The following CDC14A variants were observed in gnomAD, a reference collection of about 807,000 sequenced individuals.
CDC14A encodes the protein dual specificity protein phosphatase CDC14A.
Under a neutral mutation model 74.4 loss-of-function variants are expected in CDC14A, and 53 were observed. That is an observed-to-expected ratio of 0.71 (90% CI 0.57 to 0.89). CDC14A has a LOEUF of 0.89. Among genes scored for constraint, CDC14A ranks in the 40% least tolerant of loss-of-function variants. CDC14A has a pLI of 0.00. For synonymous variants in CDC14A, 247 were observed against 258.4 expected (o/e 0.96, Z 0.43); for missense variants, 646 against 713.7 (o/e 0.91, Z 1.08).
At chr1:100,372,992 C>A (rs1025525614) in intron 2 of CDC14A, among the ~76,000 whole-genome samples, 1 of 152,162 alleles carries the variant, frequency 6.6e-6, no homozygotes, top group Non-Finnish European at 1.5e-5. Flanking sequence ...TTGTATCATT[C>A]ATATGTTCAC....
At chr1:100,355,538 A>T (rs1248428215) in intron 2 of CDC14A, among the ~76,000 whole-genome samples, 1 of 152,186 alleles carries the variant, frequency 6.6e-6, no homozygotes, top group Non-Finnish European at 1.5e-5. Flanking sequence ...CTTATAGTCT[A>T]CTGTTTTTCT....
At chr1:100,441,810 A>AAT (rs1664964535) in intron 6 of CDC14A, among the ~76,000 whole-genome samples, 1 of 152,116 alleles carries the variant, frequency 6.6e-6, no homozygotes. Flanking sequence ...AGCAAATATG[A>AAT]TTTGATAGTT....
At chr1:100,430,363 G>A (rs1188710673) in intron 5 of CDC14A, among the ~76,000 whole-genome samples, 1 of 152,290 alleles carries the variant, frequency 6.6e-6, no homozygotes, top group East Asian at 1.9e-4. Flanking sequence ...TATGACATCT[G>A]TCATTAAAAT....
intron 4 of CDC14A, among the ~76,000 whole-genome samples, chr1:100,400,278 A>G (rs1353521725): frequency 6.6e-6 from 1 of 152,200 alleles, no homozygotes; most frequent in African/African-American, 2.4e-5. Context: ...GTAAATTCTG[A>G]TTTCAGAACT....
At chr1:100,434,156 G>GAAGGTCATACAGT (rs1289883736) in intron 5 of CDC14A, among the ~76,000 whole-genome samples, 4 of 152,212 alleles carry the variant, frequency 2.6e-5, no homozygotes, top group Non-Finnish European at 4.4e-5. Flanking sequence ...GGTCATAGTT[G>GAAGGTCATACAGT]TGGATTTTTA....
At chr1:100,507,768 C>T (rs909383317) in intron 15 of CDC14A, among the ~76,000 whole-genome samples, 3 of 152,132 alleles carry the variant, frequency 2.0e-5, no homozygotes, top group African/African-American at 7.2e-5. Context: ...GGTTCTCCAC[C>T]TCCCAGGTTC....
At chr1:100,395,519 C>G (rs1285604992) in intron 4 of CDC14A, among the ~76,000 whole-genome samples, 1 of 152,186 alleles carries the variant, frequency 6.6e-6, no homozygotes, top group Non-Finnish European at 1.5e-5. Flanking sequence ...CAGAATGTAT[C>G]TTTCCATCTC....
intron 2 of CDC14A, among the ~76,000 whole-genome samples, chr1:100,356,329 TATTA>T (rs1651874202): frequency 6.6e-6 from 1 of 152,194 alleles, no homozygotes; most frequent in African/African-American, 2.4e-5. Context: ...GCTCTATAAC[TATTA>T]ATTCATTGTG....
chr1:100,488,221 G>A (rs56905012), intron 11 of CDC14A, among the ~76,000 whole-genome samples: 8,233 of 152,152 alleles, frequency 0.054, 744 homozygotes, highest in African/African-American at 0.19. Flanking sequence ...TGAAGTTACT[G>A]TATGCCAGTA....
chr1:100,432,454 C>A (rs536780501), intron 5 of CDC14A, among the ~76,000 whole-genome samples: 34 of 152,244 alleles, frequency 2.2e-4, no homozygotes, highest in African/African-American at 7.9e-4. Context: ...CAGTCTAGTC[C>A]AAACTGAGAT....
chr1:100,431,217 G>GAGTT (rs1387395537), intron 5 of CDC14A, among the ~76,000 whole-genome samples: 6 of 152,112 alleles, frequency 3.9e-5, no homozygotes, highest in African/African-American at 1.4e-4. Flanking sequence ...ACATGGAGGT[G>GAGTT]AGTTATATTA....
chr1:100,431,587 A>G (rs1332842735), intron 5 of CDC14A, among the ~76,000 whole-genome samples: 1 of 151,852 alleles, frequency 6.6e-6, no homozygotes, highest in African/African-American at 2.4e-5. Context: ...CATTCCTGTA[A>G]TCCCAGTGCT....
intron 3 of CDC14A, among the ~76,000 whole-genome samples, chr1:100,389,312 G>A (rs1657340199): frequency 6.6e-6 from 1 of 151,390 alleles, no homozygotes; most frequent in African/African-American, 2.4e-5. Flanking sequence ...ACAAAAATTA[G>A]CCGGGCGTGG....
At chr1:100,417,151 C>A (rs538720892) in intron 4 of CDC14A, among the ~76,000 whole-genome samples, 2 of 152,316 alleles carry the variant, frequency 1.3e-5, no homozygotes, top group South Asian at 4.1e-4. Context: ...AGGCAGGGGC[C>A]TGATCTTATT....
At chr1:100,504,867 C>G in intron 15 of CDC14A, 1 of 1,535,586 alleles carries the variant, frequency 6.5e-7, no homozygotes, top group Non-Finnish European at 8.7e-7. Context: ...GCCCCCTGCT[C>G]TCCTTACCAA....
At chr1:100,403,277 T>A (rs1659516235) in intron 4 of CDC14A, among the ~76,000 whole-genome samples, 1 of 152,230 alleles carries the variant, frequency 6.6e-6, no homozygotes. Flanking sequence ...TAAAGCATAC[T>A]GATATTTTAT....
Position 100,352,990 on chromosome 1 carries a change from T to G in CDC14A, c.36T>G (p.Cys12Trp). 6.2e-7 allele frequency: 1 copy of G among 1,614,114 alleles called. No individual in the cohort carries two copies. The highest frequency in any genetic ancestry group is 1.1e-5 in the South Asian group (1 of 91,078). The change falls in exon 1 of 16, where the codon TGT becomes TGG. Residue 12 changes from cysteine (C) to tryptophan (W), a missense_variant. Physicochemically the swap from Cys to Trp is radical, Grantham distance 215. Coordinates refer to ENST00000336454, the MANE Select transcript of CDC14A (RefSeq NM_003672.4). ...AAESGELIGA[C>W]EFMKDRLYFA... ...AGTCAGGGGAACTAATCGGGGCTTG[T>G]GAGTTCATGAAAGGTGAGGAGCAGC...
At chr1:100,348,923 A>C (rs935974406), upstream of CDC14A, among the ~76,000 whole-genome samples, 5 of 152,222 alleles carry the variant, frequency 3.3e-5, no homozygotes, top group Non-Finnish European at 7.3e-5. Flanking sequence ...GGGCGAGTGC[A>C]GTGGCTCATA....
At chr1:100,411,487 C>G (rs143630948) in intron 4 of CDC14A, among the ~76,000 whole-genome samples, 27 of 152,142 alleles carry the variant, frequency 1.8e-4, no homozygotes, top group African/African-American at 6.3e-4. Context: ...TTCCTCCTTT[C>G]TTAGTTGGCT....
Sources: gnomAD v4.1 joint callset for allele counts (sites outside exome capture counted in the v4.1 genomes callset) on GRCh38, gnomAD v4.1.1 for gene constraint, MANE v1.5 for transcripts, NCBI Gene and HGNC (gene_info 2026-07-23, HGNC 2026-07-21) for gene names.